MARCHF1: variants seen among roughly 807,000 people sequenced by gnomAD.
MARCHF1 encodes E3 ubiquitin-protein ligase MARCHF1.
MARCHF1 carries 40 observed loss-of-function variants against 54.2 expected under a neutral mutation model. The observed-to-expected ratio is 0.74, with a 90% CI of 0.57 to 0.96. MARCHF1 has a LOEUF of 0.96. Ranked by LOEUF, MARCHF1 falls within the 40% of genes least tolerant of loss-of-function variation. The probability of loss-of-function intolerance (pLI) is 0.00; values close to 1 mark genes in which losing one functional copy is unlikely to be tolerated. For synonymous variants in MARCHF1, 236 were observed against 236.3 expected (o/e 1.00, Z 0.01); for missense variants, 586 against 656.5 (o/e 0.89, Z 1.17).
At chr4:163,691,291 C>A (rs1220999415) in intron 5 of MARCHF1, among the ~76,000 whole-genome samples, 3 of 152,144 alleles carry the variant, frequency 2.0e-5, no homozygotes, top group Non-Finnish European at 4.4e-5. Flanking sequence ...GGTTAGAGAC[C>A]ATGTTAGGCA....
chr4:163,801,575 A>C (rs1321563860), intron 4 of MARCHF1, among the ~76,000 whole-genome samples: 1 of 152,064 alleles, frequency 6.6e-6, no homozygotes, highest in East Asian at 1.9e-4. Context: ...TACTAATCTT[A>C]AGTATAAAGC....
At chr4:163,648,493 G>A (rs1341967708) in intron 5 of MARCHF1, among the ~76,000 whole-genome samples, 6 of 151,522 alleles carry the variant, frequency 4.0e-5, no homozygotes, top group East Asian at 1.9e-4. Context: ...AACTAGGCAC[G>A]TTAAGCATTT....
chr4:164,159,024 A>G (rs1730158156), intron 1 of MARCHF1, among the ~76,000 whole-genome samples: 1 of 152,208 alleles, frequency 6.6e-6, no homozygotes, highest in Admixed American at 6.5e-5. Flanking sequence ...GATTCCAGTA[A>G]CAGCACTGTG....
At chr4:164,320,068 T>C (rs1453416766) in intron 1 of MARCHF1, among the ~76,000 whole-genome samples, 1 of 152,158 alleles carries the variant, frequency 6.6e-6, no homozygotes, top group Non-Finnish European at 1.5e-5. Flanking sequence ...TTTTCACACA[T>C]CCATGAGTCT....
intron 5 of MARCHF1, among the ~76,000 whole-genome samples, chr4:163,692,459 G>A (rs1744492454): frequency 1.3e-5 from 2 of 152,144 alleles, no homozygotes; most frequent in Admixed American, 1.3e-4. Flanking sequence ...GCAGCATGAA[G>A]GGCAAATGCC....
intron 4 of MARCHF1, among the ~76,000 whole-genome samples, chr4:163,804,622 A>C (rs537543469): frequency 2.0e-5 from 3 of 152,362 alleles, no homozygotes; most frequent in African/African-American, 7.2e-5. Flanking sequence ...TGTGAGAAAA[A>C]TAAAAGACCA....
chr4:164,291,619 C>T (rs990113351), intron 1 of MARCHF1, among the ~76,000 whole-genome samples: 2 of 151,956 alleles, frequency 1.3e-5, no homozygotes, highest in African/African-American at 4.8e-5. Context: ...CTACTCCATA[C>T]CCAGGATATA....
intron 4 of MARCHF1, among the ~76,000 whole-genome samples, chr4:163,781,677 G>A (rs1192409215): frequency 6.6e-6 from 1 of 152,188 alleles, no homozygotes; most frequent in Non-Finnish European, 1.5e-5. Context: ...TGTGTTGGGT[G>A]CAGTGAATTC....
At chr4:163,640,172 T>C (rs1742504225) in intron 5 of MARCHF1, among the ~76,000 whole-genome samples, 1 of 152,114 alleles carries the variant, frequency 6.6e-6, no homozygotes, top group Admixed American at 6.6e-5. Flanking sequence ...GGATCTAGAG[T>C]TCTCTTTGCT....
intron 2 of MARCHF1, among the ~76,000 whole-genome samples, chr4:164,076,406 TATTTATGACAAAGCCAC>T: frequency 6.6e-6 from 1 of 152,144 alleles, no homozygotes. Flanking sequence ...TAATAAGAGC[TATTTATGACAAAGCCAC>T]AGCCAATATC....
At chr4:163,620,744 C>T (rs1205473874) in intron 5 of MARCHF1, among the ~76,000 whole-genome samples, 1 of 151,744 alleles carries the variant, frequency 6.6e-6, no homozygotes, top group Non-Finnish European at 1.5e-5. Flanking sequence ...GTAAATAGTG[C>T]TTTATTGCTA....
In MARCHF1 at chr4:163,886,274, G is replaced by GATAGATAT. The variant is rs1338675072; in HGVS notation, c.-38-32113_-38-32106dup. ...ATAGATAGATATATAGGTAGATATA[G>GATAGATAT]ATAGATATATAGATATATCTCTTAA... On this transcript the variant is annotated intron_variant, in intron 3 of 9. Coordinates refer to ENST00000514618, the MANE Select transcript of MARCHF1 (RefSeq NM_001394959.1). 3.3e-5 allele frequency among the ~76,000 whole-genome samples: 5 copies of GATAGATAT among 150,108 alleles called. 1 individual carries two copies. In the South Asian group the frequency reaches 1.1e-3, roughly 32 times the overall value.
At chr4:163,760,913 T>C (rs919555707) in intron 4 of MARCHF1, among the ~76,000 whole-genome samples, 1 of 152,220 alleles carries the variant, frequency 6.6e-6, no homozygotes, top group South Asian at 2.1e-4. Context: ...TAAATGGGTA[T>C]GAAGTTACAT....
At chr4:164,328,265 A>G (rs1046220332) in intron 1 of MARCHF1, among the ~76,000 whole-genome samples, 23 of 152,210 alleles carry the variant, frequency 1.5e-4, no homozygotes, top group African/African-American at 5.5e-4. Context: ...AACATGGCAA[A>G]TATTTACTTT....
intron 2 of MARCHF1, among the ~76,000 whole-genome samples, chr4:164,021,057 T>A (rs1008260005): frequency 1.4e-5 from 2 of 147,984 alleles, no homozygotes; most frequent in South Asian, 2.1e-4. Context: ...TGAGGGATAT[T>A]CCCTCCAATC....
intron 3 of MARCHF1, among the ~76,000 whole-genome samples, chr4:163,981,712 G>T (rs995004050): frequency 6.6e-6 from 1 of 152,144 alleles, no homozygotes; most frequent in Admixed American, 6.6e-5. Context: ...GTGCTACAAA[G>T]AATTGAGTTA....
At chr4:164,158,686 C>T (rs1266208333) in intron 1 of MARCHF1, among the ~76,000 whole-genome samples, 2 of 152,004 alleles carry the variant, frequency 1.3e-5, no homozygotes, top group Non-Finnish European at 2.9e-5. Context: ...TGAAAGAAGG[C>T]TTTAATTCTA....
rs1752415203 is a variant in MARCHF1 at position 163,965,019 on chromosome 4, TC to T, written c.-39+23481del. Among the ~76,000 whole-genome samples, 5 of 152,116 alleles carry T rather than the reference TC, an allele frequency of 3.3e-5. No individual in the cohort carries two copies. In the South Asian group the frequency reaches 8.3e-4, roughly 25 times the overall value. On this transcript the variant is annotated intron_variant, in intron 3 of 9. Transcript: ENST00000514618. ...TGCTATGACATTGCATGGCAAGGGTTCTATACAAGCTTCAGAATTATGTCTG... is the reference window on the plus strand; with the variant it reads ...TGCTATGACATTGCATGGCAAGGGTTTATACAAGCTTCAGAATTATGTCTG...
At chr4:163,872,914 G>A (rs577738828) in intron 3 of MARCHF1, among the ~76,000 whole-genome samples, 4 of 151,934 alleles carry the variant, frequency 2.6e-5, no homozygotes, top group Admixed American at 1.3e-4. Flanking sequence ...CGTGGTGGCG[G>A]GCGCCTGTAG....
Sources: gnomAD v4.1 joint callset for allele counts (sites outside exome capture counted in the v4.1 genomes callset) on GRCh38, gnomAD v4.1.1 for gene constraint, MANE v1.5 for transcripts, NCBI Gene and HGNC (gene_info 2026-07-23, HGNC 2026-07-21) for gene names.